Variants in ACSL5 observed in about 807,000 individuals in gnomAD.
ACSL5 encodes the protein acyl-CoA synthetase long chain family member 5, also known as long-chain-fatty-acid--CoA ligase 5.
A neutral mutation model predicts 84.9 loss-of-function variants in ACSL5; 50 were observed. That is an observed-to-expected ratio of 0.59 (90% CI 0.47 to 0.75). ACSL5 has a LOEUF of 0.75. Among genes scored for constraint, ACSL5 ranks in the 30% least tolerant of loss-of-function variants. The probability of loss-of-function intolerance (pLI) is 0.00; values close to 1 mark genes in which losing one functional copy is unlikely to be tolerated. For missense variants in ACSL5, 775 were observed against 830.4 expected (o/e 0.93, Z 0.82); for synonymous variants, 280 against 300.7 (o/e 0.93, Z 0.71).
At chr10:112,392,785 C>T (rs1843672174) in intron 1 of ACSL5, among the ~76,000 whole-genome samples, 1 of 151,156 alleles carries the variant, frequency 6.6e-6, no homozygotes, top group South Asian at 2.1e-4. Context: ...TGTGGTGGCA[C>T]ACACCTGTAG....
At chr10:112,388,136 C>T (rs1230322911) in intron 1 of ACSL5, among the ~76,000 whole-genome samples, 2 of 152,048 alleles carry the variant, frequency 1.3e-5, no homozygotes, top group Non-Finnish European at 2.9e-5. Flanking sequence ...GATGGGGTTT[C>T]GCCATGTTGG....
Position 112,376,593 on chromosome 10 carries a change from C to A in ACSL5, c.-30+2324C>A, listed in dbSNP as rs878983196. On this transcript the variant is annotated intron_variant, in intron 1 of 20. Coordinates refer to ENST00000354655, the MANE Select transcript of ACSL5 (RefSeq NM_203379.2). ...GAGTTCCACGGGCACATCATGCTGT[C>A]TCCCTCCTGGTCTCGGTCATGCCTT... The A allele has an allele frequency of 8.7e-5, 97 of 1,116,248 alleles. No individual in the cohort carries two copies. The South Asian group carries it at 1.3e-3, about 15-fold the overall frequency. The allele number at this position is 1,116,248 out of a possible 1,614,324, so 69.1% of individuals were successfully genotyped here.
At chr10:112,374,750 A>G (rs1849206539) in intron 1 of ACSL5, among the ~76,000 whole-genome samples, 1 of 152,166 alleles carries the variant, frequency 6.6e-6, no homozygotes, top group Non-Finnish European at 1.5e-5. Context: ...ATCTCATCCT[A>G]TAAAGCAGGT....
chr10:112,403,494 C>G (rs1017312799), intron 3 of ACSL5, among the ~76,000 whole-genome samples: 2 of 152,212 alleles, frequency 1.3e-5, no homozygotes, highest in Non-Finnish European at 2.9e-5. Context: ...CCATGTTGGG[C>G]AGGCTGGTCT....
chr10:112,391,589 C>T (rs1843641087), intron 1 of ACSL5, among the ~76,000 whole-genome samples: 1 of 152,136 alleles, frequency 6.6e-6, no homozygotes, highest in South Asian at 2.1e-4. Context: ...AAATATCTCC[C>T]TTGTTTGTAA....
At chr10:112,376,564 G>A (rs1010616002) in intron 1 of ACSL5, 41 of 1,435,194 alleles carry the variant, frequency 2.9e-5, no homozygotes, top group Admixed American at 1.4e-4. Context: ...ATCAAGGGCC[G>A]GCTGAGTTCC....
At chr10:112,379,602 C>G (rs1247327477) in intron 1 of ACSL5, among the ~76,000 whole-genome samples, 1 of 151,942 alleles carries the variant, frequency 6.6e-6, no homozygotes, top group Non-Finnish European at 1.5e-5. Context: ...TGAGGACTTC[C>G]CATGTGCCTG....
chr10:112,409,807 T>G, intron 7 of ACSL5, 122 bp downstream of exon 7: 1 of 936,218 alleles, frequency 1.1e-6, no homozygotes, highest in Non-Finnish European at 1.7e-6. Flanking sequence ...AGGAGTAGAT[T>G]AGACTCATGC....
chr10:112,378,469 A>G (rs1340398445), intron 1 of ACSL5, among the ~76,000 whole-genome samples: 1 of 151,406 alleles, frequency 6.6e-6, no homozygotes, highest in East Asian at 1.9e-4. Context: ...CTGGTCTCAA[A>G]CTCCTGACCT....
At chr10:112,422,580 G>A in intron 17 of ACSL5, 139 bp downstream of exon 17, 1 of 733,410 alleles carries the variant, frequency 1.4e-6, no homozygotes. Context: ...ACCCTACCTG[G>A]CTTATGACTT....
At chr10:112,390,509 A>G (rs1849536632) in intron 1 of ACSL5, among the ~76,000 whole-genome samples, 1 of 152,232 alleles carries the variant, frequency 6.6e-6, no homozygotes. Context: ...ATTCGCATTG[A>G]CTCAGCAATT....
rs374545166 is a variant in ACSL5 at position 112,395,113 on chromosome 10, A to T, written c.156+11A>T. On this transcript the variant is annotated intron_variant, in intron 2 of 20. Transcript: ENST00000354655. ...TCTGTGGGAATTGAGGTAATTTACC[A>T]GTCATCCTTTTAGTTTGTCAACCTT... 100 of 1,609,234 alleles carry T rather than the reference A, an allele frequency of 6.2e-5. No homozygotes were observed. In the Middle Eastern group the frequency reaches 8.3e-4, roughly 13 times the overall value.
intron 10 of ACSL5, 38 bp downstream of exon 10, chr10:112,411,567 G>A (rs1333005939): frequency 6.4e-7 from 1 of 1,571,452 alleles, no homozygotes; most frequent in Non-Finnish European, 8.8e-7. Flanking sequence ...TCATTAAAAT[G>A]TGAATCTGTC....
At chr10:112,421,518 G>T in intron 14 of ACSL5, 75 bp from the exon 15 acceptor site, 3 of 1,348,620 alleles carry the variant, frequency 2.2e-6, no homozygotes, top group Non-Finnish European at 3.2e-6. Flanking sequence ...TGCTTTCCTC[G>T]TGTCTTGACC....
At chr10:112,424,406 T>C (rs1167438395) in intron 17 of ACSL5, 1 of 152,250 alleles carries the variant, frequency 6.6e-6, no homozygotes, top group African/African-American at 2.4e-5. Flanking sequence ...TGCTTGACAA[T>C]GTAACTTTTA....
At chr10:112,426,914 G>A in intron 20 of ACSL5, 55 bp downstream of exon 20, 1 of 1,405,300 alleles carries the variant, frequency 7.1e-7, no homozygotes, top group Admixed American at 1.7e-5. Flanking sequence ...TTTGTTTAAA[G>A]TTTCCATCTA....
chr10:112,425,316 T>TA, intron 17 of ACSL5, 22 bp from the exon 18 acceptor site: 1 of 1,586,918 alleles, frequency 6.3e-7, no homozygotes, highest in Non-Finnish European at 8.6e-7. Flanking sequence ...AAAATACTGA[T>TA]ACTTTTATCT....
intron 1 of ACSL5, chr10:112,394,691 G>T: frequency 3.1e-6 from 3 of 964,876 alleles, no homozygotes; most frequent in Non-Finnish European, 3.7e-6. Flanking sequence ...TGTGAGGACA[G>T]TCAAGTAGCA....
chr10:112,427,135 C>T, intron 20 of ACSL5, 83 bp from the exon 21 acceptor site: 1 of 1,428,450 alleles, frequency 7.0e-7, no homozygotes. Flanking sequence ...ATCAACCTCA[C>T]TTTCTTCACA....
Sources: gnomAD v4.1 joint callset for allele counts (sites outside exome capture counted in the v4.1 genomes callset) on GRCh38, gnomAD v4.1.1 for gene constraint, MANE v1.5 for transcripts, NCBI Gene and HGNC (gene_info 2026-07-23, HGNC 2026-07-21) for gene names.